The following CAPN13 variants were observed in gnomAD, a reference collection of about 807,000 sequenced individuals.
CAPN13 encodes the protein calpain 13.
CAPN13 carries 90 observed loss-of-function variants against 98.4 expected under a neutral mutation model. The ratio of observed to expected loss-of-function variants is 0.92; its 90% confidence interval spans 0.77 to 1.09. CAPN13 has a LOEUF of 1.09. CAPN13 is among the 50% of genes least tolerant of loss of function. The pLI is 0.00. For synonymous variants in CAPN13, 330 were observed against 305.5 expected, an observed-to-expected ratio of 1.08 and a Z score of -0.84; for missense variants, 887 against 841.3, an observed-to-expected ratio of 1.05 and a Z score of -0.67.
intron 1 of CAPN13, among the ~76,000 whole-genome samples, chr2:30,800,031 G>A (rs938101875): frequency 1.3e-5 from 2 of 151,416 alleles, no homozygotes; most frequent in African/African-American, 2.4e-5. Context: ...CCGAGATTGC[G>A]CCATTGCACT....
In CAPN13 at chr2:30,765,712, G is replaced by A. The variant is rs114110391; in HGVS notation, c.525-1406C>T. On this transcript the variant is annotated intron_variant, in intron 5 of 22. Transcript: ENST00000295055. The stretch of plus-strand genomic sequence containing the variant: ...CCAGTAGATTCACTTCAGCAAATGC[G>A]TATCGTATCAAGCAGTCACTATCAG... Among the ~76,000 whole-genome samples the A allele has an allele frequency of 2.5e-3, 376 of 152,290 alleles. 1 individual carries two copies. The highest frequency in any genetic ancestry group is 6.2e-3 in the South Asian group (30 of 4,826).
At chr2:30,757,925 G>C (rs1672539498) in intron 8 of CAPN13, 121 bp downstream of exon 8, 1 of 707,830 alleles carries the variant, frequency 1.4e-6, no homozygotes. Context: ...GTGTAGGTGT[G>C]AGCTGGACAG....
intron 22 of CAPN13, 124 bp from the exon 23 acceptor site, chr2:30,723,360 A>C (rs1879279): frequency 0.039 from 5,901 of 152,322 alleles, 200 homozygotes; most frequent in East Asian, 0.14. Context: ...TCCCACAGTA[A>C]AGGAAGCACT....
In CAPN13 at chr2:30,783,812, C is replaced by T. The variant is rs564761341; in HGVS notation, c.198+3316G>A. 3.3e-5 allele frequency among the ~76,000 whole-genome samples: 5 copies of T among 152,310 alleles called. No individual in the cohort carries two copies. In the South Asian group the frequency reaches 8.3e-4, roughly 25 times the overall value. On this transcript the variant is annotated intron_variant, in intron 2 of 22. Transcript: ENST00000295055. ...CCATTATATAGTTGAAGTTTAAGGG[C>T]CACTGGTCAGACCTCTGGACAGGCA...
At chr2:30,774,860 T>G (rs1673603314) in intron 4 of CAPN13, among the ~76,000 whole-genome samples, 1 of 152,140 alleles carries the variant, frequency 6.6e-6, no homozygotes, top group Non-Finnish European at 1.5e-5. Context: ...GAAATCAATT[T>G]TATGCATGAT....
intron 20 of CAPN13, 34 bp from the exon 21 acceptor site, chr2:30,731,433 A>AGGAG (rs1671089941): frequency 1.3e-6 from 2 of 1,588,554 alleles, no homozygotes; most frequent in African/African-American, 2.7e-5. Flanking sequence ...TGACTGACTG[A>AGGAG]GGAGGAAGGA....
intron 1 of CAPN13, among the ~76,000 whole-genome samples, chr2:30,802,452 T>A (rs1250258405): frequency 1.5e-5 from 2 of 133,356 alleles, no homozygotes; most frequent in Non-Finnish European, 3.2e-5. Context: ...GCTTAGAATG[T>A]GTGTGTGTGT....
intron 9 of CAPN13, 69 bp downstream of exon 9, chr2:30,754,221 A>C: frequency 1.6e-6 from 2 of 1,235,122 alleles, no homozygotes; most frequent in South Asian, 3.3e-5. Flanking sequence ...ATGTTCAGGG[A>C]AAAGGGTAGG....
intron 4 of CAPN13, among the ~76,000 whole-genome samples, chr2:30,773,113 T>C (rs10211253): frequency 0.77 from 117,509 of 152,198 alleles, 45,953 homozygotes; most frequent in African/African-American, 0.9. Context: ...CGTGAGCCAC[T>C]GCGCCTGGCC....
intron 22 of CAPN13, among the ~76,000 whole-genome samples, chr2:30,726,999 A>G (rs1670880506): frequency 6.6e-6 from 1 of 152,242 alleles, no homozygotes. Flanking sequence ...AGATACACAC[A>G]TAAATCAATT....
At chr2:30,742,284 G>C in intron 14 of CAPN13, 42 bp downstream of exon 14, 1 of 1,586,796 alleles carries the variant, frequency 6.3e-7, no homozygotes, top group South Asian at 1.2e-5. Context: ...GGATGGGATG[G>C]GGCCAATGAG....
At chr2:30,774,680 A>T (rs1379676076) in intron 4 of CAPN13, among the ~76,000 whole-genome samples, 1 of 152,204 alleles carries the variant, frequency 6.6e-6, no homozygotes, top group African/African-American at 2.4e-5. Flanking sequence ...CACATTTAAA[A>T]GGGAGGCAGG....
intron 22 of CAPN13, among the ~76,000 whole-genome samples, chr2:30,728,616 A>T (rs1262458244): frequency 6.6e-6 from 1 of 152,196 alleles, no homozygotes; most frequent in Non-Finnish European, 1.5e-5. Flanking sequence ...TTGTGGTTAG[A>T]TGGTGGGCAG....
At chr2:30,736,630 C>T in intron 17 of CAPN13, 59 bp from the exon 18 acceptor site, 1 of 1,522,268 alleles carries the variant, frequency 6.6e-7, no homozygotes, top group Middle Eastern at 1.7e-4. Context: ...GGCTGCCATC[C>T]TGCCAACAAA....
chr2:30,763,036 G>C (rs754657354), intron 7 of CAPN13, 46 bp downstream of exon 7: 1 of 1,483,590 alleles, frequency 6.7e-7, no homozygotes, highest in African/African-American at 1.4e-5. Flanking sequence ...AAGAACACTG[G>C]GGCAGAGGCC....
chr2:30,738,101 AGAAACTCAAGGACAGG>A, intron 17 of CAPN13, 118 bp downstream of exon 17: 8 of 887,694 alleles, frequency 9.0e-6, no homozygotes, highest in Non-Finnish European at 1.5e-5. Flanking sequence ...GAGAATCCCC[AGAAACTCAAGGACAGG>A]GAAGAAGAGA....
chr2:30,750,999 G>T, intron 11 of CAPN13, 104 bp downstream of exon 11: 1 of 1,302,062 alleles, frequency 7.7e-7, no homozygotes, highest in Non-Finnish European at 1.1e-6. Context: ...TATCTCCAAG[G>T]CTGTGGTGCA....
At chr2:30,750,462 A>G (rs1672116873) in intron 11 of CAPN13, among the ~76,000 whole-genome samples, 1 of 152,130 alleles carries the variant, frequency 6.6e-6, no homozygotes, top group South Asian at 2.1e-4. Context: ...CTAAAATAAA[A>G]GTTTCATAAA....
At chr2:30,741,325 TAG>T (rs1448314518) in intron 15 of CAPN13, 2 of 940,702 alleles carry the variant, frequency 2.1e-6, no homozygotes, top group African/African-American at 1.8e-5. Flanking sequence ...GGCGGCAGGG[TAG>T]AGATGATCAT....
Sources: gnomAD v4.1 joint callset for allele counts (sites outside exome capture counted in the v4.1 genomes callset) on GRCh38, gnomAD v4.1.1 for gene constraint, MANE v1.5 for transcripts, NCBI Gene and HGNC (gene_info 2026-07-23, HGNC 2026-07-21) for gene names.